Variants in TAGLN observed in about 807,000 individuals in gnomAD.
TAGLN encodes the protein transgelin.
A neutral mutation model predicts 21.9 loss-of-function variants in TAGLN; 16 were observed. The ratio of observed to expected loss-of-function variants is 0.73; its 90% CI spans 0.49 to 1.11. TAGLN has a LOEUF of 1.11. Ranked by LOEUF, TAGLN falls within the 50% of genes least tolerant of loss-of-function variation. The pLI is 0.00. For synonymous variants in TAGLN, 96 were observed against 94.9 expected (o/e 1.01, Z -0.06); for missense variants, 248 against 263.2 (o/e 0.94, Z 0.40).
At chr11:117,202,805 G>C (rs2031153338) in intron 1 of TAGLN, 197 bp from the exon 2 acceptor site, 1 of 448,312 alleles carries the variant, frequency 2.2e-6, no homozygotes, top group East Asian at 3.3e-5. Context: ...CAAAGACCTG[G>C]TATCCTCTTT....
chr11:117,203,575 G>C lies in TAGLN; in HGVS notation c.358+91G>C, dbSNP rs61905529. 2,779 of 1,482,338 alleles carry C rather than the reference G, an allele frequency of 1.9e-3. 4 individuals are homozygous for C. The highest frequency in any genetic ancestry group is 2.4e-3 in the Non-Finnish European group (2,619 of 1,082,796). 91.8% of individuals were successfully genotyped at this position (1,482,338 alleles called of 1,614,324 possible). A position where few individuals can be genotyped will look rare whatever the true frequency, so the allele number is the denominator to read the frequency against. ...ATGACCAGAATATGCCACAACTAGG[G>C]GTGTGCTTGCCCGCACACAGCAGGG... On this transcript the variant is annotated intron_variant, in intron 3 of 4. Transcript: ENST00000392951. This position sits in a 1 kb window ranked among gnomAD's most constrained non-coding sequence, Gnocchi z 4.4.
Position 117,203,963 on chromosome 11 carries a change from G to C in TAGLN, c.461+79G>C. The C allele has an allele frequency of 7.5e-7, 1 of 1,334,554 alleles. No individual in the cohort carries two copies. Among genetic ancestry groups the C allele is most frequent in the Non-Finnish European group, 1.1e-6 (1 of 932,412 alleles). The allele number at this position is 1,334,554 out of a possible 1,614,324, so 82.7% of individuals were successfully genotyped here. Reference sequence around the variant, plus strand: ...TCTAAGGAGCTTGCGGGAAGGATTAGGGGAAGCAGATAGCCAAGAAAGGAT... The same window carrying C: ...TCTAAGGAGCTTGCGGGAAGGATTACGGGAAGCAGATAGCCAAGAAAGGAT... On this transcript the variant is annotated intron_variant, in intron 4 of 4. Transcript: ENST00000392951. This position sits in a 1 kb window ranked among gnomAD's most constrained non-coding sequence, Gnocchi z 4.4.
In TAGLN at chr11:117,203,268, C is replaced by T; in HGVS notation, c.181-39C>T. On this transcript the variant is annotated intron_variant, in intron 2 of 4. Transcript: ENST00000392951. The surrounding 1 kb of genome is among the most constrained non-coding windows in gnomAD (Gnocchi z 4.4). ...TGTGAGTCCTGGGCCAATCCCTGAGCTGACTGCTAAGCTGCGTCCTATGCC... is the reference window on the plus strand; with the variant it reads ...TGTGAGTCCTGGGCCAATCCCTGAGTTGACTGCTAAGCTGCGTCCTATGCC... The T allele has an allele frequency of 1.9e-6, 3 of 1,609,118 alleles. No homozygotes were observed. The East Asian group carries it at 6.7e-5, about 36-fold the overall frequency.
Position 117,205,747 on chromosome 11 carries a change from G to A in TAGLN, c.*1388G>A. ...ATGAGGATGGAGGCCAAACCAAAGG[G>A]GGGCGCCAATCCCCTGTCCAACACC... On this transcript the variant is annotated 3_prime_UTR_variant, in exon 5 of 5. Transcript: ENST00000392951. The A allele has an allele frequency of 2.5e-6, 1 of 394,980 alleles. No individual in the cohort carries two copies. Among genetic ancestry groups the A allele is most frequent in the East Asian group, 3.8e-5 (1 of 25,992 alleles). 24.5% of individuals were successfully genotyped at this position (394,980 alleles called of 1,614,324 possible).
In TAGLN at chr11:117,206,430, A is replaced by G; in HGVS notation, c.*2071A>G. On this transcript the variant is annotated 3_prime_UTR_variant, in exon 5 of 5. Coordinates refer to ENST00000392951, the MANE Select transcript of TAGLN (RefSeq NM_003186.5). The stretch of plus-strand genomic sequence containing the variant: ...CAGCCTTTCTCAGCCCAGGACAATG[A>G]GCTCAGAAAGTCTTTTTCCTTCTAG... 6.5e-7 allele frequency: 1 copy of G among 1,535,338 alleles called. No individual in the cohort carries two copies. Among genetic ancestry groups the G allele is most frequent in the South Asian group, 1.3e-5 (1 of 77,452 alleles).
chr11:117,204,066 T>C, intron 4 of TAGLN, 149 bp from the exon 5 acceptor site: 1 of 1,255,086 alleles, frequency 8.0e-7, no homozygotes, highest in Non-Finnish European at 1.1e-6. Flanking sequence ...CTGCGCTCAG[T>C]CTCCCTAGCC....
Position 117,204,229 on chromosome 11 carries a change from A to AT in TAGLN, c.477dup (p.Lys160Ter). On this transcript the variant is annotated frameshift_variant, in exon 5 of 5. Transcript: ENST00000392951. LOFTEE classifies it high-confidence loss of function. Reference sequence around the variant, plus strand: ...TCCTCTTCTAGGAAAGCGCAGGAGCATAAGAGGGAATTCACAGAGAGCCAG... The same window carrying AT: ...TCCTCTTCTAGGAAAGCGCAGGAGCATTAAGAGGGAATTCACAGAGAGCCAG... The AT allele has an allele frequency of 1.2e-6, 2 of 1,614,262 alleles. No homozygotes were observed. Among genetic ancestry groups the AT allele is most frequent in the East Asian group, 2.2e-5 (1 of 44,888 alleles).
In TAGLN at chr11:117,203,772, C is replaced by T; in HGVS notation, c.359-10C>T. 2 of 1,612,286 alleles carry T rather than the reference C, an allele frequency of 1.2e-6. No individual in the cohort carries two copies. On this transcript the variant is annotated splice_polypyrimidine_tract_variant and intron_variant, in intron 3 of 4. Transcript: ENST00000392951. The surrounding 1 kb of genome is among the most constrained non-coding windows in gnomAD (Gnocchi z 4.4). ...TTGATGTTCATCTCCTCTCTCCTGT[C>T]TTCTCACAGGCAAAGACATGGCAGC...
rs781477268 is a variant in TAGLN, at chr11:117,203,305, AGATTCTGAG to A, written c.181-1_188del. ...CTGCGTCCTATGCCCTATGCCTGGT[AGATTCTGAG>A]CAAGCTGGTGAACAGCCTGTACCCT... On this transcript the variant is annotated splice_acceptor_variant and coding_sequence_variant, in exon 3 of 5. Coordinates refer to ENST00000392951, the MANE Select transcript of TAGLN (RefSeq NM_003186.5). LOFTEE classifies it high-confidence loss of function. This position sits in a 1 kb window ranked among gnomAD's most constrained non-coding sequence, Gnocchi z 4.4. The A allele has an allele frequency of 6.2e-7, 1 of 1,614,120 alleles. No homozygotes were observed. Among genetic ancestry groups the A allele is most frequent in the Non-Finnish European group, 8.5e-7 (1 of 1,179,996 alleles).
Position 117,203,623 on chromosome 11 carries a change from C to T in TAGLN, c.358+139C>T, listed in dbSNP as rs186542186. 26 of 1,254,850 alleles carry T rather than the reference C, an allele frequency of 2.1e-5. No individual in the cohort carries two copies. The highest frequency in any genetic ancestry group is 2.5e-5 in the East Asian group (1 of 40,426). The allele number at this position is 1,254,850 out of a possible 1,614,324, so 77.7% of individuals were successfully genotyped here. On this transcript the variant is annotated intron_variant, in intron 3 of 4. Coordinates refer to ENST00000392951, the MANE Select transcript of TAGLN (RefSeq NM_003186.5). The surrounding 1 kb of genome is among the most constrained non-coding windows in gnomAD (Gnocchi z 4.4). ...GGGATGGGATATGCCGAGAATAACA[C>T]GCCACGCTCACAGGGCCCACTGAGA...
chr11:117,204,145 A>G, intron 4 of TAGLN, 70 bp from the exon 5 acceptor site: 1 of 1,604,008 alleles, frequency 6.2e-7, no homozygotes, highest in South Asian at 1.1e-5. Flanking sequence ...AGGACGTAAC[A>G]GAGGGATCAG....
chr11:117,205,169 A>T lies in TAGLN; in HGVS notation c.*810A>T, dbSNP rs1362995274. 1 of 233,098 alleles carries T rather than the reference A, an allele frequency of 4.3e-6. No individual in the cohort carries two copies. Among genetic ancestry groups the T allele is most frequent in the Admixed American group, 5.6e-5 (1 of 17,758 alleles). 14.4% of individuals were successfully genotyped at this position (233,098 alleles called of 1,614,324 possible). A position where few individuals can be genotyped will look rare whatever the true frequency, so the allele number is the denominator to read the frequency against. On this transcript the variant is annotated 3_prime_UTR_variant, in exon 5 of 5. Coordinates refer to ENST00000392951, the MANE Select transcript of TAGLN (RefSeq NM_003186.5). ...AAAACAAATCTTAAGCATTAAAAAAAATTCAACCAACTAGCTCAGAAGAGG... is the reference window on the plus strand; with the variant it reads ...AAAACAAATCTTAAGCATTAAAAAATATTCAACCAACTAGCTCAGAAGAGG...
Position 117,203,721 on chromosome 11 carries a change from T to G in TAGLN, c.359-61T>G. The G allele has an allele frequency of 6.5e-7, 1 of 1,541,410 alleles. No individual in the cohort carries two copies. The highest frequency in any genetic ancestry group is 1.7e-5 in the Admixed American group (1 of 58,954). On this transcript the variant is annotated intron_variant, in intron 3 of 4. Transcript: ENST00000392951. This position sits in a 1 kb window ranked among gnomAD's most constrained non-coding sequence, Gnocchi z 4.4. ...TTTTGTGAGAGACGGGGGCAGGCCC[T>G]GGCTTGGAGTCTTGTTTATACGTTC...
intron 1 of TAGLN, chr11:117,202,287 C>A (rs1054823381): frequency 2.0e-5 from 3 of 152,276 alleles, no homozygotes; most frequent in Non-Finnish European, 1.5e-5. Flanking sequence ...AACTCTTGGG[C>A]TTTGGTGGCT....
chr11:117,202,629 CTT>C (rs1260960775), intron 1 of TAGLN: 1 of 155,588 alleles, frequency 6.4e-6, no homozygotes, highest in African/African-American at 2.4e-5. Flanking sequence ...CTGCTGTCTG[CTT>C]TTGTAAGTAA....
At chr11:117,202,948 CAG>C in intron 1 of TAGLN, 52 bp from the exon 2 acceptor site, 1 of 1,484,544 alleles carries the variant, frequency 6.7e-7, no homozygotes, top group Admixed American at 2.3e-5. Flanking sequence ...CGGGTGAAAG[CAG>C]AGCTGCTCCC....
At chr11:117,201,809 C>T (rs488962) in intron 1 of TAGLN, 57,279 of 152,182 alleles carry the variant, frequency 0.38, 12,794 homozygotes, top group East Asian at 0.62. Context: ...CTCAGACCAG[C>T]GTGTCCCTCC....
At position 117,207,000 on chromosome 11, in the gene TAGLN, G is replaced by C. The variant is rs61905530; in HGVS notation, c.*2641G>C. On this transcript the variant is annotated 3_prime_UTR_variant, in exon 5 of 5. Coordinates refer to ENST00000392951, the MANE Select transcript of TAGLN (RefSeq NM_003186.5). ...GAAGCACAGCTGGGGTTCAGAGGGC[G>C]ATGGGCTCCCTAGGCGGCCCTTCCC... is the stretch of plus-strand genomic sequence containing the variant. The C allele has an allele frequency of 1.4e-5, 21 of 1,533,868 alleles. No homozygotes were observed. Among genetic ancestry groups the C allele is most frequent in the Non-Finnish European group, 1.5e-5 (17 of 1,111,022 alleles).
Position 117,203,226 on chromosome 11 carries a change from G to C in TAGLN, c.180+33G>C, listed in dbSNP as rs1337345936. The C allele has an allele frequency of 6.3e-7, 1 of 1,594,422 alleles. No homozygotes were observed. The highest frequency in any genetic ancestry group is 1.3e-5 in the African/African-American group (1 of 74,572). ...GCACCCTGGGCTAGGGCGCTGGGGG[G>C]CTGGGGTGTGCCACCCTGTGAGTCC... On this transcript the variant is annotated intron_variant, in intron 2 of 4. Transcript: ENST00000392951. The surrounding 1 kb of genome is among the most constrained non-coding windows in gnomAD (Gnocchi z 4.4).
Sources: allele counts gnomAD v4.1 joint callset, GRCh38; gene constraint gnomAD v4.1.1; non-coding constraint Gnocchi (gnomAD v3.1); transcripts MANE v1.5; gene names NCBI Gene and HGNC (gene_info 2026-07-23, HGNC 2026-07-21).